Variants in YTHDC1 observed in about 807,000 individuals in gnomAD.
YTHDC1 encodes the protein YTH domain-containing protein 1.
YTHDC1 carries 12 observed loss-of-function variants against 107.0 expected under a neutral mutation model. The observed-to-expected ratio is 0.11, with a 90% CI of 0.07 to 0.18. The LOEUF is 0.18. Among genes scored for constraint, YTHDC1 ranks in the 10% least tolerant of loss-of-function variants. The pLI is 1.00. For missense variants in YTHDC1, 635 were observed against 898.8 expected (o/e 0.71, Z 3.75); for synonymous variants, 280 against 289.5 (o/e 0.97, Z 0.33).
chr4:68,349,805 C>T lies in YTHDC1; in HGVS notation c.-52G>A, dbSNP rs749237203. 2 of 1,610,536 alleles carry T rather than the reference C, an allele frequency of 1.2e-6. No individual in the cohort carries two copies. The highest frequency in any genetic ancestry group is 1.7e-6 in the Non-Finnish European group (2 of 1,178,394). On this transcript the variant is annotated 5_prime_UTR_variant, in exon 1 of 17. Coordinates refer to ENST00000344157, the MANE Select transcript of YTHDC1 (RefSeq NM_001031732.4). ...CACCGCCGCCGCCGCTTAGACGCGA[C>T]TCGCGCGGGCGCCGCAGCCGCGGCA...
At chr4:68,326,935 T>C (rs1452210234) in intron 9 of YTHDC1, among the ~76,000 whole-genome samples, 1 of 150,746 alleles carries the variant, frequency 6.6e-6, no homozygotes, top group African/African-American at 2.4e-5. Flanking sequence ...TTGATTAAAG[T>C]TAAAAAGAAA....
At chr4:68,323,032 T>C (rs1722601122) in intron 10 of YTHDC1, 117 bp from the exon 11 acceptor site, 17 of 902,452 alleles carry the variant, frequency 1.9e-5, no homozygotes, top group Non-Finnish European at 2.5e-5. Flanking sequence ...AGGCTGATGA[T>C]CATATGGGAT....
Position 68,337,144 on chromosome 4 carries a change from C to T in YTHDC1, c.766G>A (p.Asp256Asn). 1.2e-6 allele frequency: 2 copies of T among 1,613,954 alleles called. No homozygotes were observed. ...EEEEYEQDERDQKEEGNDYDT... is the reference protein window; with the variant it reads ...EEEEYEQDERNQKEEGNDYDT... ...TAATCATTTCCCTCCTCTTTCTGGT[C>T]TCTCTCATCCTGTTCATATTCTTCT... Residue 256 changes from aspartate (D) to asparagine (N), a missense_variant, in exon 4 of 17, where the codon GAC becomes AAC. By Grantham distance (23) the Asp-to-Asn change is conservative. Around this residue, in one of 5 missense-constraint regions of YTHDC1, gnomAD observed 294 missense variants for 312.3 expected, o/e 0.94. Coordinates refer to ENST00000344157, the MANE Select transcript of YTHDC1 (RefSeq NM_001031732.4).
At chr4:68,340,742 C>A (rs1296201311) in intron 1 of YTHDC1, among the ~76,000 whole-genome samples, 1 of 151,942 alleles carries the variant, frequency 6.6e-6, no homozygotes, top group Non-Finnish European at 1.5e-5. Context: ...TAATGCTATA[C>A]AAATCTTTTC....
intron 1 of YTHDC1, 87 bp from the exon 2 acceptor site, chr4:68,338,471 C>A: frequency 1.2e-6 from 1 of 852,748 alleles, no homozygotes; most frequent in South Asian, 1.9e-5. Flanking sequence ...AGGCCACAAG[C>A]GCCTAGGAGC....
At chr4:68,330,804 T>C (rs1560487586) in intron 7 of YTHDC1, among the ~76,000 whole-genome samples, 1 of 150,958 alleles carries the variant, frequency 6.6e-6, no homozygotes, top group African/African-American at 2.5e-5. Flanking sequence ...TATGTATCAA[T>C]AGTTTGACTG....
intron 1 of YTHDC1, among the ~76,000 whole-genome samples, chr4:68,342,336 C>A (rs1724899714): frequency 6.6e-6 from 1 of 151,702 alleles, no homozygotes; most frequent in South Asian, 2.1e-4. Flanking sequence ...TGTGATTACT[C>A]ATTACTATGG....
At position 68,337,614 on chromosome 4, in the gene YTHDC1, A is replaced by T. The variant is rs374885930; in HGVS notation, c.417T>A (p.Asp139Glu). 8.4e-5 allele frequency: 135 copies of T among 1,612,176 alleles called. No homozygotes were observed. The highest frequency in any genetic ancestry group is 1.1e-4 in the Non-Finnish European group (132 of 1,179,648). Residue 139 changes from aspartate (D) to glutamate (E), a missense_variant, in exon 3 of 17, where the codon GAT becomes GAA. Asp to Glu is a conservative substitution (Grantham distance 45). Around this residue, in one of 5 missense-constraint regions of YTHDC1, gnomAD observed 294 missense variants for 312.3 expected, o/e 0.94. Transcript: ENST00000344157. Reference protein sequence around the residue: ...QPEKTCVRKRDPERRAKSPTP... With the variant: ...QPEKTCVRKREPERRAKSPTP... ...TAGGAGATTTGGCCCTCCTTTCAGG[A>T]TCCCTTTTCCGGACACAGGTTTTTT... is the stretch of plus-strand genomic sequence containing the variant.
chr4:68,343,543 A>AAAATT (rs35282008), intron 1 of YTHDC1, among the ~76,000 whole-genome samples: 1 of 107,332 alleles, frequency 9.3e-6, no homozygotes, highest in South Asian at 3.4e-4. Flanking sequence ...AAAAAAAAAA[A>AAAATT]TTTTTTTTTT....
At chr4:68,336,268 T>C (rs1193674909) in intron 4 of YTHDC1, among the ~76,000 whole-genome samples, 4 of 152,144 alleles carry the variant, frequency 2.6e-5, no homozygotes, top group African/African-American at 9.6e-5. Context: ...AGTCATGAGA[T>C]TATAATCATC....
At chr4:68,319,876 G>A (rs1722259196) in intron 12 of YTHDC1, among the ~76,000 whole-genome samples, 1 of 151,964 alleles carries the variant, frequency 6.6e-6, no homozygotes, top group Non-Finnish European at 1.5e-5. Flanking sequence ...TTCCATTTTT[G>A]CAAAATTAGC....
At chr4:68,335,376 A>G (rs1368635102) in intron 4 of YTHDC1, among the ~76,000 whole-genome samples, 1 of 152,184 alleles carries the variant, frequency 6.6e-6, no homozygotes, top group African/African-American at 2.4e-5. Flanking sequence ...TAAAACTTTC[A>G]GGTATCTCTT....
In YTHDC1 at chr4:68,337,877, T is replaced by A. The variant is rs1350539342; in HGVS notation, c.154A>T (p.Met52Leu). Residue 52 changes from methionine to leucine, a missense_variant, in exon 3 of 17, where the codon ATG becomes TTG. Met to Leu is a conservative substitution (Grantham distance 15, BLOSUM62 2). Transcript: ENST00000344157. The stretch of plus-strand genomic sequence containing the variant: ...TGTCGTTTGGTATCAGTAGATTCCA[T>A]TCGATCACTTTTTCTTTTTGATCCT... ...KKGSKRKSDR[M>L]ESTDTKRQKP... The A allele has an allele frequency of 1.2e-6, 2 of 1,612,718 alleles. No individual in the cohort carries two copies. Among genetic ancestry groups the A allele is most frequent in the Admixed American group, 3.3e-5 (2 of 59,932 alleles).
intron 2 of YTHDC1, 75 bp downstream of exon 2, chr4:68,338,208 G>T (rs1578064691): frequency 7.1e-7 from 1 of 1,407,356 alleles, no homozygotes; most frequent in South Asian, 1.3e-5. Context: ...AAAAAGCACA[G>T]TCATTTTTTT....
At chr4:68,332,919 T>C (rs995559903) in intron 5 of YTHDC1, 72 bp from the exon 6 acceptor site, 1 of 1,318,578 alleles carries the variant, frequency 7.6e-7, no homozygotes, top group African/African-American at 1.5e-5. Flanking sequence ...TACAGTCTTG[T>C]CACATAAAAT....
rs998479783 is a variant in YTHDC1, at chr4:68,312,660, A to T, written c.*1439T>A. 1 of 152,230 alleles carries T rather than the reference A, an allele frequency of 6.6e-6. No individual in the cohort carries two copies. Among genetic ancestry groups the T allele is most frequent in the African/African-American group, 2.4e-5 (1 of 41,468 alleles). The allele number at this position is 152,230 out of a possible 1,614,324, so 9.4% of individuals were successfully genotyped here. Reference sequence around the variant, plus strand: ...GAATGCAGTATAACTATAGTTTATTATATCCTTTAAGAGTAAAGTGCCTGT... The same window carrying T: ...GAATGCAGTATAACTATAGTTTATTTTATCCTTTAAGAGTAAAGTGCCTGT... On this transcript the variant is annotated 3_prime_UTR_variant, in exon 17 of 17. Coordinates refer to ENST00000344157, the MANE Select transcript of YTHDC1 (RefSeq NM_001031732.4).
intron 4 of YTHDC1, among the ~76,000 whole-genome samples, chr4:68,334,379 A>C (rs948500751): frequency 6.6e-6 from 1 of 152,158 alleles, no homozygotes; most frequent in Non-Finnish European, 1.5e-5. Context: ...TTTAATTCTC[A>C]TAACAAGTTC....
intron 2 of YTHDC1, 46 bp downstream of exon 2, chr4:68,338,237 C>A: frequency 6.7e-7 from 1 of 1,496,520 alleles, no homozygotes. Context: ...TGAATCTCCT[C>A]TATTTATACT....
At chr4:68,344,458 T>C (rs1213508833) in intron 1 of YTHDC1, among the ~76,000 whole-genome samples, 1 of 152,150 alleles carries the variant, frequency 6.6e-6, no homozygotes, top group Non-Finnish European at 1.5e-5. Flanking sequence ...CTCCAGAAGA[T>C]TAACTTCCTT....
Sources: gnomAD v4.1 joint callset for allele counts (sites outside exome capture counted in the v4.1 genomes callset) on GRCh38, gnomAD v4.1.1 for gene constraint, gnomAD v4.1.1 regional missense constraint, MANE v1.5 for transcripts, NCBI Gene and HGNC (gene_info 2026-07-23, HGNC 2026-07-21) for gene names.